The following RABEP2 variants were observed in gnomAD, a reference collection of about 807,000 sequenced individuals.
The protein encoded by RABEP2 is rabaptin, RAB GTPase binding effector protein 2.
In RABEP2, 57 loss-of-function variants were observed where a neutral mutation model predicts 74.1. The observed-to-expected ratio is 0.77, with a 90% CI of 0.62 to 0.96. The LOEUF is 0.96. Ranked by LOEUF, RABEP2 falls within the 40% of genes least tolerant of loss-of-function variation. The pLI is 0.00. For missense variants in RABEP2, 692 were observed against 756.3 expected, an observed-to-expected ratio of 0.91 and a Z score of 1.00; for synonymous variants, 351 against 344.0, an observed-to-expected ratio of 1.02 and a Z score of -0.23.
intron 2 of RABEP2, among the ~76,000 whole-genome samples, chr16:28,923,051 G>A (rs766909887): frequency 1.3e-5 from 2 of 152,118 alleles, no homozygotes; most frequent in Admixed American, 1.3e-4. Flanking sequence ...CACAGAGTTT[G>A]TTATGAAGAT....
chr16:28,908,509 T>C, intron 8 of RABEP2, 100 bp downstream of exon 8: 1 of 1,326,846 alleles, frequency 7.5e-7, no homozygotes, highest in Non-Finnish European at 1.0e-6. Context: ...GCCAAGCAAA[T>C]ACACAGCACC....
intron 2 of RABEP2, among the ~76,000 whole-genome samples, chr16:28,923,682 A>T: frequency 6.6e-6 from 1 of 152,200 alleles, no homozygotes; most frequent in East Asian, 1.9e-4. Context: ...TAGAAAGGGA[A>T]ATCGCATGTT....
chr16:28,908,353 T>G (rs140278072), intron 8 of RABEP2, among the ~76,000 whole-genome samples: 1 of 152,358 alleles, frequency 6.6e-6, no homozygotes, highest in Non-Finnish European at 1.5e-5. Context: ...CGCGTGTCAC[T>G]TAAAAATAGC....
At chr16:28,908,509 T>A (rs985735345) in intron 8 of RABEP2, 100 bp downstream of exon 8, 13 of 1,326,728 alleles carry the variant, frequency 9.8e-6, no homozygotes, top group Non-Finnish European at 1.3e-5. Context: ...GCCAAGCAAA[T>A]ACACAGCACC....
At chr16:28,914,611 C>G (rs763140583) in intron 4 of RABEP2, 25 bp from the exon 5 acceptor site, 10 of 1,610,014 alleles carry the variant, frequency 6.2e-6, no homozygotes, top group Non-Finnish European at 1.7e-6. Context: ...AGGGAAGAGG[C>G]TGGGGGGCCA....
At chr16:28,907,437 C>G (rs1374151064) in intron 8 of RABEP2, among the ~76,000 whole-genome samples, 1 of 152,050 alleles carries the variant, frequency 6.6e-6, no homozygotes, top group East Asian at 1.9e-4. Flanking sequence ...GGACTATAGG[C>G]GCAAGCCACC....
At chr16:28,922,234 G>A (rs564808921) in intron 2 of RABEP2, among the ~76,000 whole-genome samples, 22 of 152,298 alleles carry the variant, frequency 1.4e-4, no homozygotes, top group East Asian at 7.7e-4. Flanking sequence ...TTGGTAGAAC[G>A]TGGTCATTTT....
At chr16:28,924,945 C>A in intron 1 of RABEP2, 158 bp downstream of exon 1, 1 of 946,332 alleles carries the variant, frequency 1.1e-6, no homozygotes, top group South Asian at 1.4e-5. Context: ...CGGGCCACGC[C>A]CCCTTTTGCC....
chr16:28,917,158 G>A (rs1596702059), intron 3 of RABEP2, among the ~76,000 whole-genome samples: 1 of 151,946 alleles, frequency 6.6e-6, no homozygotes, highest in African/African-American at 2.4e-5. Context: ...TGCTGATGTT[G>A]AGCAACCAAC....
intron 7 of RABEP2, 102 bp from the exon 8 acceptor site, chr16:28,908,866 A>G: frequency 6.4e-6 from 8 of 1,245,620 alleles, no homozygotes; most frequent in Non-Finnish European, 9.0e-6. Context: ...TGACAGCAAG[A>G]GAGCCCATAC....
intron 1 of RABEP2, 78 bp downstream of exon 1, chr16:28,925,025 C>G: frequency 6.9e-7 from 1 of 1,446,204 alleles, no homozygotes; most frequent in Middle Eastern, 1.7e-4. Context: ...CCCTCTCCAC[C>G]CCCCATCCGC....
Position 28,925,169 on chromosome 16 carries a change from C to CA in RABEP2, c.-7dup, listed in dbSNP as rs1964519264. The stretch of plus-strand genomic sequence containing the variant: ...ACCGGCGCAGCTGCCGCCATTGCCT[C>CA]AGCGCAAACGGCGGATTCCCGCACT... On this transcript the variant is annotated 5_prime_UTR_variant, in exon 1 of 13. Transcript: ENST00000358201. 6.5e-7 allele frequency: 1 copy of CA among 1,528,990 alleles called. No individual in the cohort carries two copies. The highest frequency in any genetic ancestry group is 8.7e-7 in the Non-Finnish European group (1 of 1,144,014). 94.7% of individuals were successfully genotyped at this position (1,528,990 alleles called of 1,614,324 possible). A position where few individuals can be genotyped will look rare whatever the true frequency, so the allele number is the denominator to read the frequency against.
chr16:28,905,642 G>A (rs1260131495), intron 11 of RABEP2, 62 bp downstream of exon 11: 3 of 1,577,052 alleles, frequency 1.9e-6, no homozygotes, highest in East Asian at 2.3e-5. Flanking sequence ...CGGGAGGGGT[G>A]GGGGAGGGTC....
chr16:28,919,626 C>T (rs887940208), intron 3 of RABEP2, 160 bp downstream of exon 3: 10 of 772,264 alleles, frequency 1.3e-5, no homozygotes, highest in South Asian at 7.9e-5. Context: ...CAGGACCCTA[C>T]GGAGCACAGA....
intron 1 of RABEP2, 111 bp downstream of exon 1, chr16:28,924,991 TG>T: frequency 8.3e-7 from 1 of 1,202,102 alleles, no homozygotes; most frequent in Non-Finnish European, 1.2e-6. Flanking sequence ...CCCGACGGCG[TG>T]GCCCCGCCCC....
At chr16:28,910,028 CAAAAAA>C (rs779404464) in intron 7 of RABEP2, among the ~76,000 whole-genome samples, 1 of 69,168 alleles carries the variant, frequency 1.4e-5, no homozygotes, top group Non-Finnish European at 3.1e-5. Flanking sequence ...GACTCCGTCT[CAAAAAA>C]AAAAAAAAAA....
In RABEP2 at chr16:28,914,789, G is replaced by A. The variant is rs981057214; in HGVS notation, c.433-7C>T. ...TCTCCGAGTCCTCGTGGGCCTGGAG[G>A]GAGCGGGGTGTGGCAGCAATAGTTC... On this transcript the variant is annotated splice_region_variant and splice_polypyrimidine_tract_variant and intron_variant, in intron 3 of 12. Transcript: ENST00000358201. 6.2e-7 allele frequency: 1 copy of A among 1,612,814 alleles called. No homozygotes were observed.
rs1162507283 is a variant in RABEP2, at chr16:28,924,476, C to G, written c.201G>C (p.Thr67=). 2 of 1,614,042 alleles carry G rather than the reference C, an allele frequency of 1.2e-6. No homozygotes were observed. The highest frequency in any genetic ancestry group is 1.7e-6 in the Non-Finnish European group (2 of 1,180,028). ...MKAVAEVSES[T]KAEAVAAVQR... ...GCACCGCAGCCACAGCCTCGGCCTT[C>G]GTGCTCTCGCTCACCTCTGCCACAG... The change falls in exon 2 of 13, where the codon ACG becomes ACC. Residue 67 remains threonine (T), a synonymous_variant. Transcript: ENST00000358201.
rs1193039533 is a variant in RABEP2 at position 28,914,790 on chromosome 16, G to A, written c.433-8C>T. The A allele has an allele frequency of 1.2e-6, 2 of 1,612,704 alleles. No homozygotes were observed. The highest frequency in any genetic ancestry group is 1.7e-6 in the Non-Finnish European group (2 of 1,179,058). ...CTCCGAGTCCTCGTGGGCCTGGAGGGAGCGGGGTGTGGCAGCAATAGTTCC... is the reference window on the plus strand; with the variant it reads ...CTCCGAGTCCTCGTGGGCCTGGAGGAAGCGGGGTGTGGCAGCAATAGTTCC... On this transcript the variant is annotated splice_region_variant and splice_polypyrimidine_tract_variant and intron_variant, in intron 3 of 12. Transcript: ENST00000358201.
Sources: gnomAD v4.1 joint callset for allele counts (sites outside exome capture counted in the v4.1 genomes callset) on GRCh38, gnomAD v4.1.1 for gene constraint, MANE v1.5 for transcripts, NCBI Gene and HGNC (gene_info 2026-07-23, HGNC 2026-07-21) for gene names.